The following NELL1 variants were observed in gnomAD, a reference collection of about 807,000 sequenced individuals.
The protein encoded by NELL1 is protein kinase C-binding protein NELL1.
In NELL1, 76 loss-of-function variants were observed where a neutral mutation model predicts 107.4. The observed-to-expected ratio is 0.71, with a 90% CI of 0.59 to 0.86. The LOEUF (loss-of-function observed/expected upper bound fraction) is 0.86. Among genes scored for constraint, NELL1 ranks in the 40% least tolerant of loss-of-function variants. The probability of loss-of-function intolerance (pLI) is 0.00; values close to 1 mark genes in which losing one functional copy is unlikely to be tolerated. For missense variants in NELL1, 1,024 were observed against 1,005.5 expected, an observed-to-expected ratio of 1.02 and a Z score of -0.25; for synonymous variants, 353 against 341.2, an observed-to-expected ratio of 1.03 and a Z score of -0.38.
intron 5 of NELL1, among the ~76,000 whole-genome samples, chr11:20,898,971 C>G (rs1849812423): frequency 6.6e-6 from 1 of 151,758 alleles, no homozygotes; most frequent in Non-Finnish European, 1.5e-5. Flanking sequence ...ATATGTTATT[C>G]TTTAATAAAA....
chr11:21,346,500 T>G (rs570806291), intron 14 of NELL1, among the ~76,000 whole-genome samples: 1 of 148,192 alleles, frequency 6.7e-6, no homozygotes, highest in East Asian at 1.9e-4. Flanking sequence ...TTATTAAATT[T>G]AAAATATTAA....
intron 14 of NELL1, among the ~76,000 whole-genome samples, chr11:21,294,806 A>C (rs1427054929): frequency 1.3e-5 from 2 of 152,064 alleles, no homozygotes; most frequent in Non-Finnish European, 2.9e-5. Context: ...TCACACATTT[A>C]TGTGAAAGTG....
At chr11:20,984,454 G>A (rs1295152618) in intron 12 of NELL1, among the ~76,000 whole-genome samples, 6 of 152,108 alleles carry the variant, frequency 3.9e-5, no homozygotes, top group Admixed American at 2.6e-4. Context: ...TACTGCATAG[G>A]TTGGAATCAA....
intron 14 of NELL1, among the ~76,000 whole-genome samples, chr11:21,234,656 A>G (rs1040561829): frequency 6.6e-6 from 1 of 152,200 alleles, no homozygotes; most frequent in Non-Finnish European, 1.5e-5. Context: ...GAAACCATTC[A>G]TTATGAGTAT....
intron 4 of NELL1, among the ~76,000 whole-genome samples, chr11:20,868,079 C>G (rs574054853): frequency 1.3e-5 from 2 of 152,214 alleles, no homozygotes; most frequent in African/African-American, 4.8e-5. Flanking sequence ...TCTCATTTGA[C>G]CTTCAGAACA....
intron 12 of NELL1, among the ~76,000 whole-genome samples, chr11:21,061,884 G>A (rs1311002618): frequency 6.6e-6 from 1 of 152,134 alleles, no homozygotes; most frequent in East Asian, 1.9e-4. Flanking sequence ...CTTTAGGAAT[G>A]GTCTGTGTTC....
intron 3 of NELL1, among the ~76,000 whole-genome samples, chr11:20,813,170 C>T (rs913346061): frequency 3.3e-5 from 5 of 151,934 alleles, no homozygotes; most frequent in Non-Finnish European, 5.9e-5. Flanking sequence ...ACTCCAAGGA[C>T]ATTTCATTTT....
intron 10 of NELL1, 136 bp from the exon 11 acceptor site, chr11:20,947,200 T>G: frequency 1.6e-6 from 1 of 614,596 alleles, no homozygotes; most frequent in Non-Finnish European, 2.9e-6. Flanking sequence ...GGCATTATCG[T>G]TTTTAGTGGA....
chr11:21,233,728 C>T (rs1367781486), intron 14 of NELL1, among the ~76,000 whole-genome samples: 4 of 152,178 alleles, frequency 2.6e-5, no homozygotes, highest in African/African-American at 9.7e-5. Flanking sequence ...GAGTGTTTAT[C>T]TGCTTTCCCA....
intron 12 of NELL1, among the ~76,000 whole-genome samples, chr11:21,035,482 A>T (rs1007514237): frequency 6.6e-5 from 10 of 151,972 alleles, no homozygotes; most frequent in Non-Finnish European, 1.5e-4. Context: ...TAAAAAAAAA[A>T]AAAAAATAAA....
chr11:20,927,841 T>A (rs1590425918), intron 8 of NELL1, among the ~76,000 whole-genome samples: 2 of 152,204 alleles, frequency 1.3e-5, no homozygotes, highest in East Asian at 3.9e-4. Context: ...GCAAAGTGTA[T>A]CCATCACCTG....
At position 21,416,860 on chromosome 11, in the gene NELL1, A is replaced by G. The variant is rs534488742; in HGVS notation, c.1645+45912A>G. 5.9e-5 allele frequency among the ~76,000 whole-genome samples: 9 copies of G among 152,256 alleles called. No homozygotes were observed. The South Asian group carries it at 1.9e-3, about 32-fold the overall frequency. The stretch of plus-strand genomic sequence containing the variant: ...TTTTCCTTCAATATTTAGTTGAGTC[A>G]GGAAAACAATTGGGTAAATTGAATT... On this transcript the variant is annotated intron_variant, in intron 15 of 19. Coordinates refer to ENST00000357134, the MANE Select transcript of NELL1 (RefSeq NM_006157.5).
At chr11:21,374,438 C>T (rs1565193632) in intron 15 of NELL1, among the ~76,000 whole-genome samples, 1 of 151,878 alleles carries the variant, frequency 6.6e-6, no homozygotes, top group Non-Finnish European at 1.5e-5. Flanking sequence ...TATAACATGG[C>T]CACTGGAATC....
At chr11:21,216,574 T>C (rs1202562618) in intron 13 of NELL1, among the ~76,000 whole-genome samples, 2 of 152,226 alleles carry the variant, frequency 1.3e-5, no homozygotes, top group Non-Finnish European at 2.9e-5. Flanking sequence ...TGCATCAGCA[T>C]GCCCTGGATG....
rs1454007 is a variant in NELL1, at chr11:21,253,952, A to G, written c.1549+24498A>G. ...AATTTGAAGGACTAGGAAGGTTTGAAGAAGTTATTTTTAAGTTGACTACTG... is the reference window on the plus strand; with the variant it reads ...AATTTGAAGGACTAGGAAGGTTTGAGGAAGTTATTTTTAAGTTGACTACTG... On this transcript the variant is annotated intron_variant, in intron 14 of 19. Coordinates refer to ENST00000357134, the MANE Select transcript of NELL1 (RefSeq NM_006157.5). Among the ~76,000 whole-genome samples the G allele has an allele frequency of 6.6e-5, 10 of 152,250 alleles. No homozygotes were observed. In the East Asian group the frequency reaches 1.9e-3, roughly 29 times the overall value.
intron 12 of NELL1, among the ~76,000 whole-genome samples, chr11:21,029,183 A>G (rs1852892610): frequency 1.3e-5 from 2 of 152,152 alleles, no homozygotes; most frequent in Non-Finnish European, 2.9e-5. Flanking sequence ...GGGAAGAGAA[A>G]GGGGTTTTGT....
chr11:21,056,579 T>A (rs1565036756), intron 12 of NELL1, among the ~76,000 whole-genome samples: 2 of 152,192 alleles, frequency 1.3e-5, no homozygotes, highest in Non-Finnish European at 2.9e-5. Flanking sequence ...CTGGAAAATC[T>A]ACCTTTTAAA....
intron 5 of NELL1, among the ~76,000 whole-genome samples, chr11:20,894,374 T>C (rs1467005253): frequency 6.6e-6 from 1 of 152,210 alleles, no homozygotes; most frequent in East Asian, 1.9e-4. Flanking sequence ...TTCAAAGTAG[T>C]TGTGTCCCAC....
In NELL1 at chr11:20,928,261, C is replaced by T. The variant is rs1257432546; in HGVS notation, c.895-116C>T. ...GTGGTCCTGGAGTGGACTGGGAATT[C>T]GAATACTGCTTCTGTTTCCCTGATG... On this transcript the variant is annotated intron_variant, in intron 8 of 19. Coordinates refer to ENST00000357134, the MANE Select transcript of NELL1 (RefSeq NM_006157.5). The T allele has an allele frequency of 3.5e-5, 33 of 941,700 alleles. 1 individual carries two copies. The highest frequency in any genetic ancestry group is 9.4e-5 in the South Asian group (7 of 74,518). 58.3% of individuals were successfully genotyped at this position (941,700 alleles called of 1,614,324 possible). A position where few individuals can be genotyped will look rare whatever the true frequency, so the allele number is the denominator to read the frequency against.
Sources: gnomAD v4.1 joint callset for allele counts (sites outside exome capture counted in the v4.1 genomes callset) on GRCh38, gnomAD v4.1.1 for gene constraint, MANE v1.5 for transcripts, NCBI Gene and HGNC (gene_info 2026-07-23, HGNC 2026-07-21) for gene names.